Variants in FBXL17 observed in about 807,000 individuals in gnomAD.
The protein encoded by FBXL17 is F-box and leucine rich repeat protein 17, also known as F-box/LRR-repeat protein 17.
FBXL17 carries 22 observed loss-of-function variants against 66.2 expected under a neutral mutation model. That is an observed-to-expected ratio of 0.33 (90% CI 0.24 to 0.47). The LOEUF (loss-of-function observed/expected upper bound fraction) is 0.47, where lower values mean the gene tolerates loss of function less well. Ranked by LOEUF, FBXL17 falls within the 20% of genes least tolerant of loss-of-function variation. FBXL17 has a pLI of 1.00. For missense variants in FBXL17, 878 were observed against 948.2 expected, an observed-to-expected ratio of 0.93 and a Z score of 0.97; for synonymous variants, 474 against 400.5, an observed-to-expected ratio of 1.18 and a Z score of -2.19.
Position 108,339,475 on chromosome 5 carries a change from G to A in FBXL17, c.1506+8924C>T, listed in dbSNP as rs920953152. On this transcript the variant is annotated intron_variant, in intron 4 of 8. Transcript: ENST00000542267. ...GCCAACACTTGAGCACAAAGCCCAAGACTGCACTTCCACACTTGTATCTTA... is the reference window on the plus strand; with the variant it reads ...GCCAACACTTGAGCACAAAGCCCAAAACTGCACTTCCACACTTGTATCTTA... Among the ~76,000 whole-genome samples the A allele has an allele frequency of 4.6e-5, 7 of 151,682 alleles. 1 individual carries two copies. The highest frequency in any genetic ancestry group is 1.7e-4 in the African/African-American group (7 of 41,248).
At chr5:107,946,275 ATATATATATATATATATATAT>A (rs1751285749) in intron 7 of FBXL17, among the ~76,000 whole-genome samples, 1 of 50,522 alleles carries the variant, frequency 2.0e-5, no homozygotes, top group South Asian at 8.4e-4. Context: ...ATATATATAT[ATATATATATATATATATATAT>A]ATATATATAT....
Position 108,232,850 on chromosome 5 carries a change from CA to C in FBXL17, c.1507-8623del, listed in dbSNP as rs1345072193. Among the ~76,000 whole-genome samples the C allele has an allele frequency of 2.1e-5, 3 of 141,848 alleles. No homozygotes were observed. In the Admixed American group the frequency reaches 2.2e-4, roughly 10 times the overall value. 93.1% of individuals were successfully genotyped at this position (141,848 alleles called of 152,430 possible). ...TCCCTCTAGGGATCCCTGACTAACA[CA>C]ACAGTTTATTCATTTTATTAATGAG... On this transcript the variant is annotated intron_variant, in intron 4 of 8. Transcript: ENST00000542267.
chr5:108,159,731 AC>A (rs1726353106), intron 6 of FBXL17, among the ~76,000 whole-genome samples: 1 of 152,216 alleles, frequency 6.6e-6, no homozygotes, highest in Admixed American at 6.5e-5. Context: ...GTAAAGATAC[AC>A]TCAAAAGTGT....
At chr5:108,011,806 A>G (rs1410873963) in intron 7 of FBXL17, among the ~76,000 whole-genome samples, 1 of 152,232 alleles carries the variant, frequency 6.6e-6, no homozygotes, top group Admixed American at 6.6e-5. Flanking sequence ...CCTGGGCAAC[A>G]GAGTGAGACT....
intron 3 of FBXL17, among the ~76,000 whole-genome samples, chr5:108,360,333 C>T (rs73781339): frequency 0.052 from 7,848 of 152,074 alleles, 689 homozygotes; most frequent in African/African-American, 0.18. Context: ...CCCTTGAGTG[C>T]CCCTATTCTT....
chr5:108,349,431 A>G (rs1310618202), intron 3 of FBXL17, among the ~76,000 whole-genome samples: 2 of 151,544 alleles, frequency 1.3e-5, no homozygotes, highest in East Asian at 3.9e-4. Flanking sequence ...CTTTTGTAAG[A>G]AAAAAAAACT....
chr5:107,967,836 T>C (rs1336284699), intron 7 of FBXL17, among the ~76,000 whole-genome samples: 1 of 152,132 alleles, frequency 6.6e-6, no homozygotes, highest in African/African-American at 2.4e-5. Context: ...ATGTTACAAA[T>C]ACTAACTTCC....
chr5:108,124,036 A>G (rs1443580548), intron 6 of FBXL17, among the ~76,000 whole-genome samples: 1 of 152,144 alleles, frequency 6.6e-6, no homozygotes, highest in Non-Finnish European at 1.5e-5. Context: ...GTAAAGGATC[A>G]CTTCACACTC....
intron 4 of FBXL17, among the ~76,000 whole-genome samples, chr5:108,259,196 G>A (rs1010613301): frequency 1.3e-5 from 2 of 152,144 alleles, no homozygotes; most frequent in Non-Finnish European, 2.9e-5. Context: ...TCTGATATAA[G>A]AGGAAATCAG....
Position 108,103,733 on chromosome 5 carries a change from T to C in FBXL17, c.1745+82384A>G, listed in dbSNP as rs62359486. ...AAGCTTATCTTTTTCCTTGATGGAA[T>C]AGGTATTTTGGGAAGCCAGTAGGGC... On this transcript the variant is annotated intron_variant, in intron 6 of 8. Coordinates refer to ENST00000542267, the MANE Select transcript of FBXL17 (RefSeq NM_001163315.3). Among the ~76,000 whole-genome samples, 1,120 of 152,320 alleles carry C rather than the reference T, an allele frequency of 7.4e-3. 7 individuals carry two copies. The highest frequency in any genetic ancestry group is 0.019 in the South Asian group (92 of 4,830).
intron 6 of FBXL17, among the ~76,000 whole-genome samples, chr5:108,163,394 T>C (rs898351742): frequency 6.8e-4 from 61 of 90,080 alleles, no homozygotes; most frequent in African/African-American, 2.0e-3. Context: ...AAAACTTTTT[T>C]TTTTCTTTTT....
chr5:107,980,664 A>ATATATATATATATATATATATTTTTTTT, intron 7 of FBXL17, among the ~76,000 whole-genome samples: 2 of 62,074 alleles, frequency 3.2e-5, no homozygotes, highest in African/African-American at 1.0e-4. Context: ...ATATATATAT[A>ATATATATATATATATATATATTTTTTTT]TTTTTTTTTT....
intron 4 of FBXL17, chr5:108,297,877 A>C: frequency 1.1e-6 from 1 of 924,910 alleles, no homozygotes; most frequent in Non-Finnish European, 1.3e-6. Flanking sequence ...TTTACAACAA[A>C]CAAAAAACCT....
At chr5:107,970,603 C>T (rs1051576492) in intron 7 of FBXL17, among the ~76,000 whole-genome samples, 19 of 152,202 alleles carry the variant, frequency 1.2e-4, no homozygotes, top group African/African-American at 4.6e-4. Flanking sequence ...CAAAACTTTG[C>T]TCCTGCATGC....
chr5:108,236,758 C>T (rs1041516835), intron 4 of FBXL17, among the ~76,000 whole-genome samples: 9 of 152,246 alleles, frequency 5.9e-5, no homozygotes, highest in Admixed American at 2.0e-4. Flanking sequence ...AAATACCAAT[C>T]GTTGATTAAT....
intron 6 of FBXL17, among the ~76,000 whole-genome samples, chr5:108,146,182 A>C (rs1751550757): frequency 6.6e-6 from 1 of 151,524 alleles, no homozygotes; most frequent in Non-Finnish European, 1.5e-5. Context: ...CAGTGAGCCG[A>C]GATGGCACCA....
intron 6 of FBXL17, among the ~76,000 whole-genome samples, chr5:108,052,051 T>A (rs1747496239): frequency 7.0e-6 from 1 of 142,506 alleles, no homozygotes; most frequent in Admixed American, 7.6e-5. Flanking sequence ...AGGCGGAGCT[T>A]GCACTGAGCC....
intron 6 of FBXL17, among the ~76,000 whole-genome samples, chr5:108,056,122 T>C (rs1450688808): frequency 6.6e-6 from 1 of 152,232 alleles, no homozygotes. Context: ...AAAATATTCC[T>C]ATTAATTCTT....
At chr5:108,034,716 A>C (rs2112791434) in intron 6 of FBXL17, among the ~76,000 whole-genome samples, 1 of 152,280 alleles carries the variant, frequency 6.6e-6, no homozygotes, top group Admixed American at 6.5e-5. Context: ...ACAAACTATT[A>C]TTTTTCATAA....
Sources: allele counts gnomAD v4.1 joint callset (sites outside exome capture counted in the v4.1 genomes callset), GRCh38; gene constraint gnomAD v4.1.1; transcripts MANE v1.5; gene names NCBI Gene and HGNC (gene_info 2026-07-23, HGNC 2026-07-21).